JHY: variants seen among roughly 807,000 people sequenced by gnomAD.
JHY encodes jhy protein homolog.
JHY carries 69 observed loss-of-function variants against 78.0 expected under a neutral mutation model. That is an observed-to-expected ratio of 0.88 (90% confidence interval 0.73 to 1.08). The LOEUF is 1.08. JHY is among the 50% of genes least tolerant of loss of function. The probability of loss-of-function intolerance (pLI) is 0.00; values close to 1 mark genes in which losing one functional copy is unlikely to be tolerated. For missense variants in JHY, 944 were observed against 927.8 expected, an observed-to-expected ratio of 1.02 and a Z score of -0.23; for synonymous variants, 368 against 342.6, an observed-to-expected ratio of 1.07 and a Z score of -0.82.
intron 4 of JHY, among the ~76,000 whole-genome samples, chr11:122,927,683 G>T (rs547173193): frequency 3.9e-5 from 6 of 151,902 alleles, no homozygotes; most frequent in Non-Finnish European, 8.8e-5. Context: ...ATATTGGGCC[G>T]TGTCTCATTA....
At chr11:122,893,191 A>G (rs888802007) in intron 2 of JHY, among the ~76,000 whole-genome samples, 5 of 152,152 alleles carry the variant, frequency 3.3e-5, no homozygotes, top group African/African-American at 1.2e-4. Flanking sequence ...TTCTGATCAC[A>G]TGAGAATAGT....
chr11:122,940,230 C>T (rs1336270344), intron 5 of JHY, among the ~76,000 whole-genome samples: 2 of 151,846 alleles, frequency 1.3e-5, no homozygotes, highest in Non-Finnish European at 2.9e-5. Context: ...CCCAGCTACT[C>T]GGGAGGCTGA....
chr11:122,919,264 A>T (rs751124286), intron 3 of JHY, among the ~76,000 whole-genome samples: 1 of 150,864 alleles, frequency 6.6e-6, no homozygotes, highest in African/African-American at 2.4e-5. Context: ...GAGGCAGGAG[A>T]ATCACTTGAA....
intron 6 of JHY, among the ~76,000 whole-genome samples, chr11:122,949,777 G>A (rs971867665): frequency 6.6e-6 from 1 of 152,046 alleles, no homozygotes; most frequent in African/African-American, 2.4e-5. Flanking sequence ...CTTGGAGCTG[G>A]GAGAATCCCC....
chr11:122,953,652 T>A (rs1377889953), intron 6 of JHY, among the ~76,000 whole-genome samples: 2 of 150,208 alleles, frequency 1.3e-5, no homozygotes, highest in Non-Finnish European at 3.0e-5. Context: ...TCATAGTGAA[T>A]GGACAATTGT....
At chr11:122,950,923 G>A (rs897374909) in intron 6 of JHY, among the ~76,000 whole-genome samples, 1 of 152,164 alleles carries the variant, frequency 6.6e-6, no homozygotes, top group African/African-American at 2.4e-5. Context: ...GTTACAATCT[G>A]TATATCCATT....
chr11:122,886,161 C>T lies in JHY; in HGVS notation c.312C>T (p.Asn104=). ...CAGCTCAGATGGCTCGCGAGCAAAA[C>T]CACCATACCTGGGACCAGGGCGCCA... The part of the protein sequence containing the change: ...GKAAQMAREQ[N]HHTWDQGANN... The change falls in exon 2 of 9, where the codon AAC becomes AAT. Residue 104 remains asparagine, a synonymous_variant. Transcript: ENST00000227349. The T allele has an allele frequency of 6.2e-7, 1 of 1,613,252 alleles. No individual in the cohort carries two copies. Among genetic ancestry groups the T allele is most frequent in the South Asian group, 1.1e-5 (1 of 90,974 alleles).
At chr11:122,955,207 G>A (rs901431059) in intron 6 of JHY, among the ~76,000 whole-genome samples, 7 of 152,074 alleles carry the variant, frequency 4.6e-5, no homozygotes, top group Non-Finnish European at 7.4e-5. Context: ...TGCAACCTCC[G>A]CTTCCCGGGT....
At chr11:122,955,549 G>A (rs751819206) in intron 6 of JHY, among the ~76,000 whole-genome samples, 14 of 152,142 alleles carry the variant, frequency 9.2e-5, no homozygotes, top group Non-Finnish European at 1.9e-4. Context: ...AATCTAATCA[G>A]TCAGTTGTCT....
chr11:122,947,654 G>C (rs1863993853), intron 6 of JHY: 1 of 152,186 alleles, frequency 6.6e-6, no homozygotes, highest in Non-Finnish European at 1.5e-5. Context: ...CTGGTTGAAA[G>C]CAATAAGCCT....
intron 8 of JHY, chr11:122,958,676 TA>T: frequency 1.1e-6 from 1 of 951,710 alleles, no homozygotes; most frequent in African/African-American, 1.8e-5. Flanking sequence ...ATCTCATTTT[TA>T]TTGTAATGCC....
At position 122,961,220 on chromosome 11, in the gene JHY, G is replaced by A; in HGVS notation, c.*1775G>A. 1 of 460,476 alleles carries A rather than the reference G, an allele frequency of 2.2e-6. No homozygotes were observed. The allele number at this position is 460,476 out of a possible 1,614,324, so 28.5% of individuals were successfully genotyped here. On this transcript the variant is annotated 3_prime_UTR_variant, in exon 9 of 9. Transcript: ENST00000227349. ...TATATCTCCTAAAAATGAAACATTT[G>A]TTCCCTATACTGAGAGAACTCAATC... is the stretch of plus-strand genomic sequence containing the variant.
intron 3 of JHY, among the ~76,000 whole-genome samples, chr11:122,910,697 TAGG>T (rs954006453): frequency 5.9e-5 from 9 of 152,100 alleles, no homozygotes; most frequent in Non-Finnish European, 1.2e-4. Context: ...GCAACAAAAA[TAGG>T]AGGAGACATT....
At chr11:122,919,226 G>A (rs1018554258) in intron 3 of JHY, among the ~76,000 whole-genome samples, 1 of 151,862 alleles carries the variant, frequency 6.6e-6, no homozygotes, top group Admixed American at 6.6e-5. Flanking sequence ...GGTGGTGCAC[G>A]CCTGTAATCC....
chr11:122,935,298 C>G lies in JHY; in HGVS notation c.1634+223C>G, dbSNP rs527314248. On this transcript the variant is annotated intron_variant, in intron 5 of 8. Coordinates refer to ENST00000227349, the MANE Select transcript of JHY (RefSeq NM_024806.4). This position sits in a 1 kb window ranked among gnomAD's most constrained non-coding sequence, Gnocchi z 4.5. ...TGCCCAGGCTGGAGTGCAGTGGTGCCATCTTGGCTCATTGCAACCTCCGCC... is the reference window on the plus strand; with the variant it reads ...TGCCCAGGCTGGAGTGCAGTGGTGCGATCTTGGCTCATTGCAACCTCCGCC... Among the ~76,000 whole-genome samples the G allele has an allele frequency of 1.5e-3, 229 of 151,716 alleles. 1 individual carries two copies. The highest frequency in any genetic ancestry group is 5.3e-3 in the African/African-American group (219 of 41,334).
rs1862436816 is a variant in JHY, at chr11:122,883,812, TG to T, written c.-90+841del. 6.6e-6 allele frequency among the ~76,000 whole-genome samples: 1 copy of T among 152,230 alleles called. No individual in the cohort carries two copies. Among genetic ancestry groups the T allele is most frequent in the African/African-American group, 2.4e-5 (1 of 41,452 alleles). On this transcript the variant is annotated intron_variant, in intron 1 of 8. Transcript: ENST00000227349. The surrounding 1 kb of genome is among the most constrained non-coding windows in gnomAD (Gnocchi z 4.4). Reference sequence around the variant, plus strand: ...CAGCAAAATTATCTTCTGTGGTTACTGTTTTATTTTTTATTCATTCCAAGAA... The same window carrying T: ...CAGCAAAATTATCTTCTGTGGTTACTTTTTATTTTTTATTCATTCCAAGAA...
Position 122,935,953 on chromosome 11 carries a change from A to C in JHY, c.1634+878A>C, listed in dbSNP as rs1280325137. On this transcript the variant is annotated intron_variant, in intron 5 of 8. Coordinates refer to ENST00000227349, the MANE Select transcript of JHY (RefSeq NM_024806.4). This position sits in a 1 kb window ranked among gnomAD's most constrained non-coding sequence, Gnocchi z 4.5. ...GGTAGAAGAAAAAGTACATCTAAGG[A>C]GTATGAGTTCTACTGTGTTAAAATA... is the stretch of plus-strand genomic sequence containing the variant. Among the ~76,000 whole-genome samples, 3 of 152,298 alleles carry C rather than the reference A, an allele frequency of 2.0e-5. No homozygotes were observed. The East Asian group carries it at 5.8e-4, about 29-fold the overall frequency.
intron 5 of JHY, among the ~76,000 whole-genome samples, chr11:122,946,152 T>C (rs1425048282): frequency 6.6e-6 from 1 of 152,240 alleles, no homozygotes; most frequent in Non-Finnish European, 1.5e-5. Flanking sequence ...GATTTCTGTT[T>C]ATCTTACCAA....
intron 3 of JHY, among the ~76,000 whole-genome samples, chr11:122,920,150 G>A (rs909110663): frequency 6.6e-5 from 10 of 152,138 alleles, no homozygotes; most frequent in Non-Finnish European, 1.5e-5. Flanking sequence ...CACACAGCAA[G>A]GTATATTAGA....
Sources: allele counts gnomAD v4.1 joint callset (sites outside exome capture counted in the v4.1 genomes callset), GRCh38; gene constraint gnomAD v4.1.1; non-coding constraint Gnocchi (gnomAD v3.1); transcripts MANE v1.5; gene names NCBI Gene and HGNC (gene_info 2026-07-23, HGNC 2026-07-21).